Variants in ASAP2 observed in about 807,000 individuals in gnomAD.
ASAP2 encodes the protein ArfGAP with SH3 domain, ankyrin repeat and PH domain 2.
Under a neutral mutation model 131.4 loss-of-function variants are expected in ASAP2, and 45 were observed. The observed-to-expected ratio is 0.34, with a 90% CI of 0.27 to 0.44. The LOEUF (loss-of-function observed/expected upper bound fraction) is 0.44, where lower values mean the gene tolerates loss of function less well. Ranked by LOEUF, ASAP2 falls within the 20% of genes least tolerant of loss-of-function variation. ASAP2 has a pLI of 1.00. For synonymous variants in ASAP2, 510 were observed against 503.0 expected, an observed-to-expected ratio of 1.01 and a Z score of -0.19; for missense variants, 1,011 against 1,297.0, an observed-to-expected ratio of 0.78 and a Z score of 3.39.
chr2:9,250,981 C>T (rs1427363311), intron 1 of ASAP2, among the ~76,000 whole-genome samples: 1 of 152,134 alleles, frequency 6.6e-6, no homozygotes, highest in Non-Finnish European at 1.5e-5. Flanking sequence ...AGATGGGAAC[C>T]CGGAGTGGGC....
At chr2:9,226,888 G>C (rs1483648027) in intron 1 of ASAP2, among the ~76,000 whole-genome samples, 2 of 152,134 alleles carry the variant, frequency 1.3e-5, no homozygotes, top group East Asian at 3.9e-4. Context: ...TGGCTTCCTT[G>C]GTCAGTCAGG....
chr2:9,370,397 T>G (rs1484160830), intron 16 of ASAP2, among the ~76,000 whole-genome samples: 1 of 152,198 alleles, frequency 6.6e-6, no homozygotes, highest in Non-Finnish European at 1.5e-5. Flanking sequence ...TCCTTGAGAA[T>G]TGGATAACGT....
In ASAP2 at chr2:9,373,256, GTCCTT is replaced by G. The variant is rs1360642435; in HGVS notation, c.1557-1498_1557-1494del. Among the ~76,000 whole-genome samples the G allele has an allele frequency of 1.5e-4, 23 of 152,350 alleles. No homozygotes were observed. In the East Asian group the frequency reaches 3.7e-3, roughly 24 times the overall value. ...ACAAGTTCACCAGGTGCCCCTGGAAGTCCTTCCTGGGCTGTGAAGCATGCTGCCTG... is the reference window on the plus strand; with the variant it reads ...ACAAGTTCACCAGGTGCCCCTGGAAGCCTGGGCTGTGAAGCATGCTGCCTG... On this transcript the variant is annotated intron_variant, in intron 16 of 27. Transcript: ENST00000281419.
At chr2:9,337,271 G>A (rs1412948037) in intron 9 of ASAP2, among the ~76,000 whole-genome samples, 3 of 152,204 alleles carry the variant, frequency 2.0e-5, no homozygotes, top group Non-Finnish European at 4.4e-5. Context: ...CATGCTCTGC[G>A]TTGCTTTTAG....
chr2:9,210,201 C>T lies in ASAP2; in HGVS notation c.126+2971C>T, dbSNP rs181167119. 1.2e-3 allele frequency among the ~76,000 whole-genome samples: 183 copies of T among 152,302 alleles called. 1 individual carries two copies. Among genetic ancestry groups the T allele is most frequent in the African/African-American group, 4.1e-3 (169 of 41,568 alleles). On this transcript the variant is annotated intron_variant, in intron 1 of 27. Transcript: ENST00000281419. Reference sequence around the variant, plus strand: ...TGCTTCCTGTTACTTTTCTTAATGCCGAATTCTCTAAATTACTCCTTTGTC... The same window carrying T: ...TGCTTCCTGTTACTTTTCTTAATGCTGAATTCTCTAAATTACTCCTTTGTC...
chr2:9,298,181 G>A (rs575220299), intron 3 of ASAP2, among the ~76,000 whole-genome samples: 5 of 152,318 alleles, frequency 3.3e-5, no homozygotes, highest in African/African-American at 9.6e-5. Flanking sequence ...CTAAAGGTCA[G>A]GGAAGGCCAG....
At chr2:9,251,109 G>C (rs1664672587) in intron 1 of ASAP2, among the ~76,000 whole-genome samples, 1 of 152,236 alleles carries the variant, frequency 6.6e-6, no homozygotes, top group East Asian at 1.9e-4. Context: ...GTTCTTCAGG[G>C]AATAAGTGGA....
intron 2 of ASAP2, among the ~76,000 whole-genome samples, chr2:9,283,864 G>A (rs992403151): frequency 6.6e-6 from 1 of 152,146 alleles, no homozygotes; most frequent in African/African-American, 2.4e-5. Context: ...ATGCCATCAG[G>A]AGGGCCTCAC....
intron 24 of ASAP2, among the ~76,000 whole-genome samples, chr2:9,394,338 G>A (rs1438707473): frequency 6.6e-6 from 1 of 151,782 alleles, no homozygotes; most frequent in East Asian, 1.9e-4. Flanking sequence ...CTAATTTTTT[G>A]TATTTCTAGT....
intron 2 of ASAP2, among the ~76,000 whole-genome samples, chr2:9,280,713 C>G (rs1667078286): frequency 6.6e-6 from 1 of 152,212 alleles, no homozygotes; most frequent in African/African-American, 2.4e-5. Flanking sequence ...CGGAAATTGA[C>G]AGGCCTTTTC....
chr2:9,282,973 A>T (rs2148328025), intron 2 of ASAP2, among the ~76,000 whole-genome samples: 1 of 152,174 alleles, frequency 6.6e-6, no homozygotes, highest in East Asian at 1.9e-4. Flanking sequence ...CATCCCAGTC[A>T]CCTGCAGGGG....
chr2:9,316,977 CCT>C (rs969690222), intron 3 of ASAP2, among the ~76,000 whole-genome samples: 2 of 141,548 alleles, frequency 1.4e-5, no homozygotes, highest in African/African-American at 5.3e-5. Flanking sequence ...CCCGTCACAC[CCT>C]CTCATGTCCA....
intron 9 of ASAP2, among the ~76,000 whole-genome samples, chr2:9,340,345 T>C (rs1336477989): frequency 6.6e-6 from 1 of 152,114 alleles, no homozygotes; most frequent in Non-Finnish European, 1.5e-5. Flanking sequence ...CTTTATTCTG[T>C]GAGAGAGAGA....
intron 1 of ASAP2, among the ~76,000 whole-genome samples, chr2:9,265,008 TG>T (rs1409275568): frequency 1.3e-5 from 2 of 152,116 alleles, no homozygotes; most frequent in Non-Finnish European, 2.9e-5. Context: ...TGGTGGCATG[TG>T]CCTGTGCTCC....
intron 9 of ASAP2, among the ~76,000 whole-genome samples, chr2:9,338,200 A>G (rs897570592): frequency 5.9e-5 from 9 of 152,062 alleles, no homozygotes; most frequent in East Asian, 1.9e-4. Context: ...GTGTGCTTCT[A>G]TGGGGAGGAT....
At chr2:9,306,505 A>C (rs1668953048) in intron 3 of ASAP2, among the ~76,000 whole-genome samples, 1 of 151,818 alleles carries the variant, frequency 6.6e-6, no homozygotes, top group Non-Finnish European at 1.5e-5. Flanking sequence ...GGAAGAGGAA[A>C]GCAGGTGGGA....
At chr2:9,237,331 A>C (rs888409376) in intron 1 of ASAP2, among the ~76,000 whole-genome samples, 2 of 152,060 alleles carry the variant, frequency 1.3e-5, no homozygotes, top group African/African-American at 4.8e-5. Context: ...TTTTAGATGA[A>C]AACATAATTG....
intron 9 of ASAP2, among the ~76,000 whole-genome samples, chr2:9,337,201 C>G (rs959567518): frequency 5.9e-5 from 9 of 152,218 alleles, no homozygotes; most frequent in African/African-American, 2.2e-4. Flanking sequence ...CCAGTTGGCT[C>G]CTTGTCAAGA....
chr2:9,342,462 AG>A (rs1457826329), intron 9 of ASAP2, among the ~76,000 whole-genome samples: 1 of 152,244 alleles, frequency 6.6e-6, no homozygotes, highest in Non-Finnish European at 1.5e-5. Context: ...CCACAAGCAA[AG>A]AAGGAACTTG....
Sources: gnomAD v4.1 joint callset for allele counts (sites outside exome capture counted in the v4.1 genomes callset) on GRCh38, gnomAD v4.1.1 for gene constraint, MANE v1.5 for transcripts, NCBI Gene and HGNC (gene_info 2026-07-23, HGNC 2026-07-21) for gene names.